KDM4C: variants seen among roughly 807,000 people sequenced by gnomAD.
KDM4C encodes lysine demethylase 4C, also known as lysine-specific demethylase 4C.
Under a neutral mutation model 129.3 loss-of-function variants are expected in KDM4C, and 81 were observed. That is an observed-to-expected ratio of 0.63 (90% CI 0.52 to 0.75). The LOEUF is 0.75. Among genes scored for constraint, KDM4C ranks in the 30% least tolerant of loss-of-function variants. The pLI is 0.00. For synonymous variants in KDM4C, 573 were observed against 456.1 expected, an observed-to-expected ratio of 1.26 and a Z score of -3.26; for missense variants, 1,457 against 1,304.0, an observed-to-expected ratio of 1.12 and a Z score of -1.81.
At chr9:6,728,450 C>A (rs1231758793) in intron 1 of KDM4C, among the ~76,000 whole-genome samples, 3 of 152,052 alleles carry the variant, frequency 2.0e-5, no homozygotes, top group African/African-American at 7.2e-5. Context: ...AGGAGAATTG[C>A]TTAAACTCAG....
chr9:6,836,495 T>G (rs1466409394), intron 4 of KDM4C, among the ~76,000 whole-genome samples: 4 of 152,210 alleles, frequency 2.6e-5, no homozygotes, highest in Admixed American at 2.6e-4. Context: ...AGTCAACAAC[T>G]ACAACATTAA....
intron 4 of KDM4C, among the ~76,000 whole-genome samples, chr9:6,826,248 T>C (rs1277578799): frequency 1.3e-5 from 2 of 152,150 alleles, no homozygotes; most frequent in African/African-American, 2.4e-5. Flanking sequence ...ATTTTGTTTT[T>C]AGTTTTCTTG....
At chr9:6,956,730 A>G (rs1023240868) in intron 8 of KDM4C, among the ~76,000 whole-genome samples, 1 of 152,240 alleles carries the variant, frequency 6.6e-6, no homozygotes, top group African/African-American at 2.4e-5. Flanking sequence ...AGGTCTGACC[A>G]GGCCCAGGGA....
chr9:6,856,539 C>CGTGCGT (rs375228454), intron 5 of KDM4C, among the ~76,000 whole-genome samples: 55 of 131,596 alleles, frequency 4.2e-4, no homozygotes, highest in African/African-American at 1.4e-3. Context: ...TCTCTGTGTG[C>CGTGCGT]GTGTGTGTGT....
intron 8 of KDM4C, among the ~76,000 whole-genome samples, chr9:6,966,776 A>G (rs1482478508): frequency 6.6e-6 from 1 of 152,188 alleles, no homozygotes; most frequent in African/African-American, 2.4e-5. Context: ...ACCTCACCAT[A>G]CACAACTACT....
intron 19 of KDM4C, among the ~76,000 whole-genome samples, chr9:7,164,670 C>T (rs76157984): frequency 9.2e-5 from 14 of 152,142 alleles, no homozygotes; most frequent in African/African-American, 3.1e-4. Context: ...CGGCTTCAAT[C>T]GCACGCCATT....
At chr9:7,037,873 G>C (rs1369229519) in intron 15 of KDM4C, among the ~76,000 whole-genome samples, 2 of 152,072 alleles carry the variant, frequency 1.3e-5, no homozygotes, top group Non-Finnish European at 2.9e-5. Context: ...AACATTGGCT[G>C]ACTAGCAGTA....
intron 17 of KDM4C, among the ~76,000 whole-genome samples, chr9:7,069,980 G>C (rs1012679588): frequency 6.6e-6 from 1 of 152,010 alleles, no homozygotes; most frequent in African/African-American, 2.4e-5. Flanking sequence ...TAAAAGAGAG[G>C]TACAGATTTA....
rs975960092 is a variant in KDM4C, at chr9:6,758,021, C to G, written c.-200C>G. The G allele has an allele frequency of 1.1e-5, 11 of 985,336 alleles. No homozygotes were observed. In the African/African-American group the frequency reaches 1.6e-4, roughly 14 times the overall value. The allele number at this position is 985,336 out of a possible 1,614,324, so 61.0% of individuals were successfully genotyped here. A position where few individuals can be genotyped will look rare whatever the true frequency, so the allele number is the denominator to read the frequency against. ...CGCCGCTGCCTCCCACCCACCCCCTCGACGGGAGGGTGAGGCGCGGCGCAG... is the reference window on the plus strand; with the variant it reads ...CGCCGCTGCCTCCCACCCACCCCCTGGACGGGAGGGTGAGGCGCGGCGCAG... On this transcript the variant is annotated 5_prime_UTR_variant, in exon 1 of 22. Coordinates refer to ENST00000381309, the MANE Select transcript of KDM4C (RefSeq NM_015061.6). This position sits in a 1 kb window ranked among gnomAD's most constrained non-coding sequence, Gnocchi z 4.6.
At chr9:6,888,399 T>C (rs1198750243) in intron 7 of KDM4C, among the ~76,000 whole-genome samples, 2 of 152,238 alleles carry the variant, frequency 1.3e-5, no homozygotes, top group East Asian at 3.8e-4. Context: ...TTTCTAAAAA[T>C]TTCAGAGCAA....
chr9:6,773,997 C>G (rs1822464717), intron 1 of KDM4C, among the ~76,000 whole-genome samples: 1 of 152,048 alleles, frequency 6.6e-6, no homozygotes, highest in African/African-American at 2.4e-5. Flanking sequence ...AAGCAATTCT[C>G]CTTTCTCAGC....
chr9:6,944,566 A>C (rs1464040440), intron 8 of KDM4C, among the ~76,000 whole-genome samples: 1 of 151,208 alleles, frequency 6.6e-6, no homozygotes, highest in Non-Finnish European at 1.5e-5. Flanking sequence ...TATATAGGTT[A>C]CTTAGGGATA....
intron 8 of KDM4C, among the ~76,000 whole-genome samples, chr9:6,951,939 T>C (rs1221459905): frequency 6.6e-6 from 1 of 152,222 alleles, no homozygotes; most frequent in East Asian, 1.9e-4. Context: ...TTTTTTTCTC[T>C]TTATGCCTTT....
intron 15 of KDM4C, among the ~76,000 whole-genome samples, chr9:7,020,648 C>G (rs976346334): frequency 6.6e-6 from 1 of 152,078 alleles, no homozygotes; most frequent in Admixed American, 6.5e-5. Flanking sequence ...GTACATCTCA[C>G]TACTTTTTAA....
intron 1 of KDM4C, chr9:6,749,058 T>G (rs1382793606): frequency 1.8e-6 from 1 of 545,250 alleles, no homozygotes. Flanking sequence ...TTGCTCTTGT[T>G]GCCCAGGCTG....
intron 19 of KDM4C, among the ~76,000 whole-genome samples, chr9:7,137,365 C>A (rs548960701): frequency 3.9e-5 from 6 of 152,276 alleles, no homozygotes; most frequent in African/African-American, 9.6e-5. Context: ...TATGAAAATT[C>A]TTTGTTTCTT....
chr9:7,022,302 A>G (rs1163444372), intron 15 of KDM4C, among the ~76,000 whole-genome samples: 1 of 151,980 alleles, frequency 6.6e-6, no homozygotes, highest in Non-Finnish European at 1.5e-5. Context: ...TTATCTTTCC[A>G]TTTTTTTGTT....
intron 4 of KDM4C, among the ~76,000 whole-genome samples, chr9:6,816,049 A>G (rs1832025693): frequency 6.6e-6 from 1 of 152,148 alleles, no homozygotes; most frequent in Non-Finnish European, 1.5e-5. Flanking sequence ...CAGTAATGTT[A>G]TAACTGTCCC....
At chr9:7,125,876 C>T (rs955469967) in intron 18 of KDM4C, among the ~76,000 whole-genome samples, 1 of 152,122 alleles carries the variant, frequency 6.6e-6, no homozygotes, top group Non-Finnish European at 1.5e-5. Flanking sequence ...GAGTTGATAC[C>T]TGAGCTTTTG....
Sources: gnomAD v4.1 joint callset for allele counts (sites outside exome capture counted in the v4.1 genomes callset) on GRCh38, gnomAD v4.1.1 for gene constraint, Gnocchi (gnomAD v3.1) non-coding constraint, MANE v1.5 for transcripts, NCBI Gene and HGNC (gene_info 2026-07-23, HGNC 2026-07-21) for gene names.